Variants in ATP2B2 observed in about 807,000 individuals in gnomAD.
The protein encoded by ATP2B2 is plasma membrane calcium-transporting ATPase 2.
In ATP2B2, 15 loss-of-function variants were observed where a neutral mutation model predicts 120.0. The ratio of observed to expected loss-of-function variants is 0.12; its 90% CI spans 0.08 to 0.19. The LOEUF is 0.19. Among genes scored for constraint, ATP2B2 ranks in the 10% least tolerant of loss-of-function variants. The pLI, the probability that ATP2B2 is intolerant of heterozygous loss-of-function variation, is 1.00. For synonymous variants in ATP2B2, 694 were observed against 700.3 expected (o/e 0.99, Z 0.14); for missense variants, 1,045 against 1,719.8 (o/e 0.61, Z 6.94).
intron 1 of ATP2B2, among the ~76,000 whole-genome samples, chr3:10,464,586 A>G (rs1202621445): frequency 6.6e-6 from 1 of 152,094 alleles, no homozygotes; most frequent in Non-Finnish European, 1.5e-5. Flanking sequence ...CAGGGTCCCT[A>G]GATCTGCAAC....
chr3:10,393,134 G>C (rs2061911721), intron 5 of ATP2B2, among the ~76,000 whole-genome samples: 1 of 152,314 alleles, frequency 6.6e-6, no homozygotes, highest in South Asian at 2.1e-4. Flanking sequence ...GGGTCAAGGA[G>C]AGCAGATAGG....
intron 2 of ATP2B2, among the ~76,000 whole-genome samples, chr3:10,571,894 T>G (rs1319945746): frequency 6.6e-6 from 1 of 152,198 alleles, no homozygotes; most frequent in Non-Finnish European, 1.5e-5. Context: ...TGCAATTGGC[T>G]CCCATTCCTG....
At chr3:10,609,981 T>G (rs1417386634) in intron 2 of ATP2B2, among the ~76,000 whole-genome samples, 1 of 151,988 alleles carries the variant, frequency 6.6e-6, no homozygotes, top group Non-Finnish European at 1.5e-5. Flanking sequence ...CCTGGAAAAA[T>G]CCTGACTCAG....
At chr3:10,434,127 T>C (rs1203730252) in intron 2 of ATP2B2, among the ~76,000 whole-genome samples, 3 of 152,248 alleles carry the variant, frequency 2.0e-5, no homozygotes, top group African/African-American at 7.2e-5. Flanking sequence ...GTGCCAAAAT[T>C]TCTCAGAGAA....
rs530958038 is a variant in ATP2B2 at position 10,368,820 on chromosome 3, A to G, written c.1659+2989T>C. 9.9e-5 allele frequency among the ~76,000 whole-genome samples: 15 copies of G among 151,722 alleles called. No individual in the cohort carries two copies. In the South Asian group the frequency reaches 3.1e-3, roughly 32 times the overall value. ...CCACCCATCCATCTACCTACCCACCACTCATCCATCCATCCCCCCTTCTCC... is the reference window on the plus strand; with the variant it reads ...CCACCCATCCATCTACCTACCCACCGCTCATCCATCCATCCCCCCTTCTCC... On this transcript the variant is annotated intron_variant, in intron 12 of 22. Coordinates refer to ENST00000360273, the MANE Select transcript of ATP2B2 (RefSeq NM_001001331.4).
intron 1 of ATP2B2, among the ~76,000 whole-genome samples, chr3:10,465,944 A>G (rs1395745870): frequency 6.6e-6 from 1 of 152,220 alleles, no homozygotes; most frequent in Non-Finnish European, 1.5e-5. Flanking sequence ...AGACACTTCT[A>G]GAACAGAGGC....
chr3:10,500,798 T>C (rs1010268228), intron 1 of ATP2B2, among the ~76,000 whole-genome samples: 1 of 152,258 alleles, frequency 6.6e-6, no homozygotes, highest in South Asian at 2.1e-4. Context: ...TCATTTGTTA[T>C]GGCAGCCACA....
At chr3:10,464,714 A>C (rs1346286900) in intron 1 of ATP2B2, among the ~76,000 whole-genome samples, 1 of 152,188 alleles carries the variant, frequency 6.6e-6, no homozygotes, top group Non-Finnish European at 1.5e-5. Context: ...GGAGACAATC[A>C]CAGCCCCTCC....
At chr3:10,673,303 A>G (rs2071160051) in intron 1 of ATP2B2, among the ~76,000 whole-genome samples, 1 of 152,198 alleles carries the variant, frequency 6.6e-6, no homozygotes, top group African/African-American at 2.4e-5. Flanking sequence ...ACATCGCTGC[A>G]ACAGCTGACC....
At chr3:10,370,910 T>C (rs66524852) in intron 12 of ATP2B2, among the ~76,000 whole-genome samples, 17,629 of 152,258 alleles carry the variant, frequency 0.12, 1,449 homozygotes, top group East Asian at 0.34. Flanking sequence ...CCTGTGCTTC[T>C]AAACCAGATA....
chr3:10,496,394 C>A (rs186503286), intron 1 of ATP2B2, among the ~76,000 whole-genome samples: 4 of 152,310 alleles, frequency 2.6e-5, no homozygotes, highest in African/African-American at 9.6e-5. Flanking sequence ...CAATTGCACA[C>A]AGCATCCCAC....
At chr3:10,408,788 CCCTCCACCA>C (rs2062506871) in intron 3 of ATP2B2, among the ~76,000 whole-genome samples, 1 of 152,164 alleles carries the variant, frequency 6.6e-6, no homozygotes, top group South Asian at 2.1e-4. Context: ...CCCCTCCACC[CCCTCCACCA>C]CCTGCTATCT....
chr3:10,512,464 G>GCGCGCACACACACACACACA (rs749056818), intron 3 of ATP2B2, among the ~76,000 whole-genome samples: 1 of 136,924 alleles, frequency 7.3e-6, no homozygotes, highest in African/African-American at 2.9e-5. Context: ...AAGTGTGTGC[G>GCGCGCACACACACACACACA]CACACACACA....
intron 1 of ATP2B2, among the ~76,000 whole-genome samples, chr3:10,704,380 T>C (rs1406696564): frequency 6.6e-6 from 1 of 152,216 alleles, no homozygotes; most frequent in Non-Finnish European, 1.5e-5. Flanking sequence ...TTCTACCTTT[T>C]TCTTCACCCA....
chr3:10,394,269 C>A (rs1019229504), intron 5 of ATP2B2, among the ~76,000 whole-genome samples: 2 of 152,082 alleles, frequency 1.3e-5, no homozygotes, highest in Non-Finnish European at 2.9e-5. Context: ...GATTCCCAGC[C>A]CAGACACAGT....
chr3:10,600,880 C>T (rs961183069), intron 2 of ATP2B2, among the ~76,000 whole-genome samples: 9 of 152,156 alleles, frequency 5.9e-5, no homozygotes, highest in Admixed American at 2.0e-4. Flanking sequence ...AAACACATGG[C>T]GGTCAGGCAA....
At chr3:10,465,146 C>A (rs10490817) in intron 1 of ATP2B2, among the ~76,000 whole-genome samples, 15,782 of 152,282 alleles carry the variant, frequency 0.1, 1,225 homozygotes, top group African/African-American at 0.22. Flanking sequence ...CCTGGTGTGA[C>A]TCCTTCAGCT....
chr3:10,573,227 C>A (rs1003458668), intron 2 of ATP2B2, among the ~76,000 whole-genome samples: 1 of 151,240 alleles, frequency 6.6e-6, no homozygotes. Context: ...TATTAAAAGG[C>A]CAATTTGATT....
chr3:10,420,824 T>C (rs1037788555), intron 2 of ATP2B2, among the ~76,000 whole-genome samples: 8 of 152,368 alleles, frequency 5.3e-5, no homozygotes, highest in African/African-American at 1.9e-4. Flanking sequence ...CACTAGTTCC[T>C]AACTTGGTTG....
Sources: gnomAD v4.1 joint callset for allele counts (sites outside exome capture counted in the v4.1 genomes callset) on GRCh38, gnomAD v4.1.1 for gene constraint, MANE v1.5 for transcripts, NCBI Gene and HGNC (gene_info 2026-07-23, HGNC 2026-07-21) for gene names.